Variants in SND1 observed in about 807,000 individuals in gnomAD.
SND1 encodes the protein staphylococcal nuclease domain-containing protein 1.
A neutral mutation model predicts 121.7 loss-of-function variants in SND1; 38 were observed. The observed-to-expected ratio is 0.31, with a 90% CI of 0.24 to 0.41. The LOEUF (loss-of-function observed/expected upper bound fraction) is 0.41. Ranked by LOEUF, SND1 falls within the 10% of genes least tolerant of loss-of-function variation. SND1 has a pLI of 1.00. For missense variants in SND1, 868 were observed against 1,184.6 expected (o/e 0.73, Z 3.92); for synonymous variants, 401 against 447.4 (o/e 0.90, Z 1.31).
At chr7:127,769,909 C>T (rs753725894) in intron 10 of SND1, among the ~76,000 whole-genome samples, 20 of 152,154 alleles carry the variant, frequency 1.3e-4, no homozygotes, top group Non-Finnish European at 2.2e-4. Context: ...TAGTTTTTTA[C>T]CCTTCCTGAT....
intron 14 of SND1, among the ~76,000 whole-genome samples, chr7:127,915,841 G>A (rs777516708): frequency 1.3e-5 from 2 of 152,242 alleles, no homozygotes; most frequent in Non-Finnish European, 2.9e-5. Context: ...TGTTCACAAT[G>A]GAAGACCAGT....
chr7:127,698,544 CT>C (rs1796047587), intron 3 of SND1, among the ~76,000 whole-genome samples: 1 of 152,126 alleles, frequency 6.6e-6, no homozygotes, highest in African/African-American at 2.4e-5. Context: ...CCAGTCACCA[CT>C]TTATACTCTC....
chr7:127,665,885 G>A (rs867409652), intron 1 of SND1, among the ~76,000 whole-genome samples: 10 of 152,274 alleles, frequency 6.6e-5, no homozygotes, highest in Middle Eastern at 6.8e-3. Context: ...GGACTCTGCC[G>A]CAGGTTTTAA....
At chr7:127,960,970 C>T (rs182638663) in intron 15 of SND1, among the ~76,000 whole-genome samples, 1 of 152,328 alleles carries the variant, frequency 6.6e-6, no homozygotes, top group African/African-American at 2.4e-5. Flanking sequence ...TGTGTCCATT[C>T]CTCTCCACCT....
chr7:127,692,358 C>T (rs993768605), intron 2 of SND1: 1 of 152,190 alleles, frequency 6.6e-6, no homozygotes, highest in African/African-American at 2.4e-5. Context: ...AAGCCACTTG[C>T]TTCTTAGATG....
At chr7:127,771,022 A>G (rs1360408311) in intron 10 of SND1, among the ~76,000 whole-genome samples, 2 of 152,234 alleles carry the variant, frequency 1.3e-5, no homozygotes, top group African/African-American at 2.4e-5. Context: ...TCATAATGCA[A>G]CTATTCAGCA....
chr7:127,974,742 C>G (rs1371840215), intron 15 of SND1, among the ~76,000 whole-genome samples: 1 of 152,154 alleles, frequency 6.6e-6, no homozygotes, highest in East Asian at 1.9e-4. Context: ...CCATATGAAA[C>G]ACTTCTCTTG....
At chr7:127,912,322 T>C in intron 14 of SND1, among the ~76,000 whole-genome samples, 1 of 152,200 alleles carries the variant, frequency 6.6e-6, no homozygotes, top group Non-Finnish European at 1.5e-5. Context: ...CATTACCTCC[T>C]TTTGTAGATC....
intron 12 of SND1, among the ~76,000 whole-genome samples, chr7:127,876,836 C>G (rs556091715): frequency 5.9e-5 from 9 of 152,170 alleles, no homozygotes; most frequent in African/African-American, 1.9e-4. Context: ...GGGACATTAC[C>G]GCATGTTCTG....
At chr7:127,700,406 C>T (rs770871176) in intron 4 of SND1, among the ~76,000 whole-genome samples, 1 of 152,200 alleles carries the variant, frequency 6.6e-6, no homozygotes, top group Non-Finnish European at 1.5e-5. Context: ...GGAGTCCCTC[C>T]TGCTGAAGAT....
At chr7:127,871,809 A>T (rs1394205407) in intron 12 of SND1, among the ~76,000 whole-genome samples, 4 of 152,132 alleles carry the variant, frequency 2.6e-5, no homozygotes, top group Admixed American at 2.0e-4. Flanking sequence ...GCACTACGTG[A>T]CTATTAATAA....
intron 11 of SND1, among the ~76,000 whole-genome samples, chr7:127,812,423 G>A (rs1798350405): frequency 6.6e-6 from 1 of 152,220 alleles, no homozygotes; most frequent in Admixed American, 6.5e-5. Context: ...AGCAGTGTCA[G>A]ATTACATGTT....
chr7:128,030,134 C>G, intron 16 of SND1: 1 of 1,614,160 alleles, frequency 6.2e-7, no homozygotes, highest in South Asian at 1.1e-5. Flanking sequence ...GGGAGGGCAC[C>G]CGGTTGAAGG....
At chr7:128,035,979 A>G (rs1792742872) in intron 16 of SND1, among the ~76,000 whole-genome samples, 1 of 152,228 alleles carries the variant, frequency 6.6e-6, no homozygotes, top group African/African-American at 2.4e-5. Flanking sequence ...TTTGCCACCA[A>G]ATAGGCTTTG....
intron 6 of SND1, 66 bp downstream of exon 6, chr7:127,702,592 T>A (rs1052743317): frequency 1.1e-4 from 136 of 1,293,766 alleles, no homozygotes; most frequent in Non-Finnish European, 1.5e-4. Context: ...TGGATTCTTC[T>A]ACTTGGGGAC....
chr7:127,725,709 A>C (rs1282067352), intron 10 of SND1, among the ~76,000 whole-genome samples: 4 of 152,202 alleles, frequency 2.6e-5, no homozygotes, highest in Non-Finnish European at 5.9e-5. Context: ...CATGGAAAGG[A>C]TAACCTGAAA....
chr7:127,770,320 G>A (rs1322111103), intron 10 of SND1, among the ~76,000 whole-genome samples: 1 of 152,168 alleles, frequency 6.6e-6, no homozygotes, highest in Non-Finnish European at 1.5e-5. Context: ...TAGAATAAAA[G>A]TACTTTAAGA....
rs1408942216 is a variant in SND1 at position 128,084,844 on chromosome 7, A to G, written c.2231A>G (p.Glu744Gly). Residue 744 changes from glutamate to glycine, a missense_variant, in exon 19 of 24, where the codon GAA becomes GGA. Around this residue, in one of 2 missense-constraint regions of SND1, gnomAD observed 743 missense variants for 1,071.3 expected, o/e 0.69. Coordinates refer to ENST00000354725, the MANE Select transcript of SND1 (RefSeq NM_014390.4). Reference sequence around the variant, plus strand: ...TGCATTGCCAAATTTGTAGATGGAGAATGGTAAGCCACTTGGAAAAGCAAG... The same window carrying G: ...TGCATTGCCAAATTTGTAGATGGAGGATGGTAAGCCACTTGGAAAAGCAAG... ...EFCIAKFVDG[E>G]WYRARVEKVE... 1.9e-6 allele frequency: 3 copies of G among 1,593,314 alleles called. No individual in the cohort carries two copies. Among genetic ancestry groups the G allele is most frequent in the South Asian group, 2.2e-5 (2 of 89,258 alleles).
intron 16 of SND1, among the ~76,000 whole-genome samples, chr7:128,033,473 G>A (rs919598568): frequency 6.6e-6 from 1 of 152,166 alleles, no homozygotes; most frequent in Non-Finnish European, 1.5e-5. Context: ...CCTGCGCGTG[G>A]GCTGTTGCTT....
Sources: gnomAD v4.1 joint callset for allele counts (sites outside exome capture counted in the v4.1 genomes callset) on GRCh38, gnomAD v4.1.1 for gene constraint, gnomAD v4.1.1 regional missense constraint, MANE v1.5 for transcripts, NCBI Gene and HGNC (gene_info 2026-07-23, HGNC 2026-07-21) for gene names.